Variants in PARD6G observed in about 807,000 individuals in gnomAD.
PARD6G encodes the protein partitioning defective 6 homolog gamma.
PARD6G carries 7 observed loss-of-function variants against 10.7 expected under a neutral mutation model. The ratio of observed to expected loss-of-function variants is 0.66; its 90% CI spans 0.37 to 1.23. The LOEUF (loss-of-function observed/expected upper bound fraction) is 1.23. PARD6G is among the 50% of genes most tolerant of loss of function. The pLI is 0.02. For missense variants in PARD6G, 548 were observed against 571.8 expected, an observed-to-expected ratio of 0.96 and a Z score of 0.42; for synonymous variants, 287 against 269.4, an observed-to-expected ratio of 1.07 and a Z score of -0.64.
rs1344138692 is a variant in PARD6G at position 80,158,635 on chromosome 18, G to A, written c.*1136C>T. On this transcript the variant is annotated 3_prime_UTR_variant, in exon 3 of 3. Transcript: ENST00000353265. Reference sequence around the variant, plus strand: ...CTGAGGGGGGACCGTATCACCTGAGGTCAGGAGTTCAAGACCAGCCTGACC... The same window carrying A: ...CTGAGGGGGGACCGTATCACCTGAGATCAGGAGTTCAAGACCAGCCTGACC... 1 of 152,252 alleles carries A rather than the reference G, an allele frequency of 6.6e-6. No individual in the cohort carries two copies. The highest frequency in any genetic ancestry group is 2.4e-5 in the African/African-American group (1 of 41,456). 9.4% of individuals were successfully genotyped at this position (152,252 alleles called of 1,614,324 possible).
At chr18:80,194,594 C>T (rs536080498) in intron 2 of PARD6G, among the ~76,000 whole-genome samples, 4 of 152,166 alleles carry the variant, frequency 2.6e-5, no homozygotes, top group Non-Finnish European at 4.4e-5. Context: ...CATTCACCCC[C>T]CCGAGATCTT....
intron 1 of PARD6G, among the ~76,000 whole-genome samples, chr18:80,207,626 A>G (rs1439650711): frequency 6.6e-6 from 1 of 152,184 alleles, no homozygotes; most frequent in African/African-American, 2.4e-5. Flanking sequence ...CATAAAATTT[A>G]CCATATTAGC....
Position 80,159,953 on chromosome 18 carries a change from C to T in PARD6G, c.949G>A (p.Gly317Ser), listed in dbSNP as rs1485588972. 2 of 1,496,794 alleles carry T rather than the reference C, an allele frequency of 1.3e-6. No homozygotes were observed. The highest frequency in any genetic ancestry group is 1.4e-5 in the African/African-American group (1 of 69,844). 92.7% of individuals were successfully genotyped at this position (1,496,794 alleles called of 1,614,324 possible). ...LEPARPPQTP[G>S]APAGSLSRVN... ...CGGGAGAGGCTGCCTGCGGGCGCGCCCGGGGTCTGGGGGGGACGTGCAGGC... is the reference window on the plus strand; with the variant it reads ...CGGGAGAGGCTGCCTGCGGGCGCGCTCGGGGTCTGGGGGGGACGTGCAGGC... The change falls in exon 3 of 3, where the codon GGC becomes AGC. Residue 317 changes from glycine (G) to serine (S), a missense_variant. This residue lies in a region of PARD6G where 313 missense variants were observed against 279.9 expected (regional missense o/e 1.12). Coordinates refer to ENST00000353265, the MANE Select transcript of PARD6G (RefSeq NM_032510.4).
chr18:80,233,261 G>A (rs1057105570), intron 1 of PARD6G, among the ~76,000 whole-genome samples: 4 of 152,202 alleles, frequency 2.6e-5, no homozygotes, highest in African/African-American at 4.8e-5. Context: ...ACCTGAGGAG[G>A]TACAGGATTT....
intron 1 of PARD6G, among the ~76,000 whole-genome samples, chr18:80,241,951 T>C (rs1177367860): frequency 1.3e-5 from 2 of 152,224 alleles, no homozygotes; most frequent in African/African-American, 2.4e-5. Flanking sequence ...TTCTGAGACC[T>C]TGAATGGCTG....
rs1466605483 is a variant in PARD6G at position 80,160,144 on chromosome 18, C to T, written c.758G>A (p.Arg253His). The change falls in exon 3 of 3, where the codon CGC becomes CAC. Residue 253 changes from arginine to histidine, a missense_variant. By Grantham distance (29) the Arg-to-His change is conservative. Around this residue, in one of 2 missense-constraint regions of PARD6G, gnomAD observed 313 missense variants for 279.9 expected, o/e 1.12. Transcript: ENST00000353265. Reference protein sequence around the residue: ...LIVTVKPANQRNNVVRGGRAL... With the variant: ...LIVTVKPANQHNNVVRGGRAL... The stretch of plus-strand genomic sequence containing the variant: ...GCGGCCGCCGCGCACCACGTTGTTG[C>T]GCTGGTTGGCGGGCTTGACGGTGAC... 2.5e-6 allele frequency: 4 copies of T among 1,613,222 alleles called. No homozygotes were observed. Among genetic ancestry groups the T allele is most frequent in the Non-Finnish European group, 2.5e-6 (3 of 1,179,746 alleles).
intron 1 of PARD6G, among the ~76,000 whole-genome samples, chr18:80,227,101 T>G (rs1222049803): frequency 6.6e-6 from 1 of 152,016 alleles, no homozygotes; most frequent in Non-Finnish European, 1.5e-5. Context: ...AACTATAAGC[T>G]CACAACCACC....
In PARD6G at chr18:80,207,355, C is replaced by T. The variant is rs1014721342; in HGVS notation, c.73-4423G>A. 8.9e-5 allele frequency among the ~76,000 whole-genome samples: 13 copies of T among 146,262 alleles called. 1 individual carries two copies. The highest frequency in any genetic ancestry group is 4.8e-4 in the Admixed American group (7 of 14,730). The stretch of plus-strand genomic sequence containing the variant: ...CTTAACAGTAAATGAAAGATTCTTC[C>T]GATGTTTATTTGGATGGCTAGTGAT... On this transcript the variant is annotated intron_variant, in intron 1 of 2. Transcript: ENST00000353265.
At position 80,181,390 on chromosome 18, in the gene PARD6G, G is replaced by T. The variant is rs550162804; in HGVS notation, c.296-20784C>A. 1.3e-5 allele frequency among the ~76,000 whole-genome samples: 2 copies of T among 152,268 alleles called. No individual in the cohort carries two copies. Among genetic ancestry groups the T allele is most frequent in the South Asian group, 2.1e-4 (1 of 4,820 alleles). On this transcript the variant is annotated intron_variant, in intron 2 of 2. Transcript: ENST00000353265. The surrounding 1 kb of genome is among the most constrained non-coding windows in gnomAD (Gnocchi z 7.9). ...AGGCATCACGCTCTGGGCACCGGGG[G>T]ACCCTGCGTGCTTGGGTGCATTGCA...
intron 1 of PARD6G, among the ~76,000 whole-genome samples, chr18:80,241,262 C>T (rs116099780): frequency 1.3e-3 from 193 of 152,230 alleles, no homozygotes; most frequent in African/African-American, 4.5e-3. Context: ...CCAGCAGCCA[C>T]GGACAACTGG....
chr18:80,241,256 C>T (rs1015714313), intron 1 of PARD6G, among the ~76,000 whole-genome samples: 2 of 152,174 alleles, frequency 1.3e-5, no homozygotes, highest in Admixed American at 6.5e-5. Context: ...CCTCTTCCAG[C>T]AGCCACGGAC....
At chr18:80,215,851 G>C (rs973245713) in intron 1 of PARD6G, among the ~76,000 whole-genome samples, 1 of 152,008 alleles carries the variant, frequency 6.6e-6, no homozygotes, top group African/African-American at 2.4e-5. Context: ...AACACAAATA[G>C]AAACAACAAT....
intron 2 of PARD6G, among the ~76,000 whole-genome samples, chr18:80,194,255 C>T (rs907793174): frequency 4.6e-5 from 7 of 152,152 alleles, no homozygotes; most frequent in African/African-American, 1.2e-4. Context: ...CACAAGCAAG[C>T]GAAATGTGAA....
At chr18:80,187,648 C>G (rs531370440) in intron 2 of PARD6G, 1 of 152,480 alleles carries the variant, frequency 6.6e-6, no homozygotes, top group African/African-American at 2.4e-5. Context: ...ACCCACAGCA[C>G]CTACTATGGG....
intron 2 of PARD6G, chr18:80,170,258 C>T (rs1478505628): frequency 6.6e-6 from 1 of 152,266 alleles, no homozygotes; most frequent in Non-Finnish European, 1.5e-5. Flanking sequence ...AGTCTCAGAA[C>T]TCCTTGGCAG....
chr18:80,168,585 G>GTA (rs1872400543), intron 2 of PARD6G, among the ~76,000 whole-genome samples: 1 of 150,590 alleles, frequency 6.6e-6, no homozygotes, highest in Non-Finnish European at 1.5e-5. Flanking sequence ...GTGTGTGTGT[G>GTA]TGTGTGTGTG....
intron 1 of PARD6G, among the ~76,000 whole-genome samples, chr18:80,230,941 G>GC (rs1254974740): frequency 3.3e-5 from 5 of 152,174 alleles, no homozygotes; most frequent in Non-Finnish European, 5.9e-5. Context: ...TCAATAACCT[G>GC]CCCATAGTCA....
rs1274176452 is a variant in PARD6G at position 80,161,279 on chromosome 18, C to A, written c.296-673G>T. ...CAGTGCTATTTGTAGGCACATGGAG[C>A]CTCAAGGCTCACCAATATGCCCAGC... On this transcript the variant is annotated intron_variant, in intron 2 of 2. Transcript: ENST00000353265. This position sits in a 1 kb window ranked among gnomAD's most constrained non-coding sequence, Gnocchi z 4.6. Among the ~76,000 whole-genome samples, 3 of 152,072 alleles carry A rather than the reference C, an allele frequency of 2.0e-5. No homozygotes were observed. The highest frequency in any genetic ancestry group is 7.2e-5 in the African/African-American group (3 of 41,402).
At chr18:80,185,761 C>A (rs1261778071) in intron 2 of PARD6G, among the ~76,000 whole-genome samples, 1 of 134,634 alleles carries the variant, frequency 7.4e-6, no homozygotes, top group African/African-American at 2.5e-5. Flanking sequence ...CACACCCTCA[C>A]ACATGCATAT....
Sources: allele counts gnomAD v4.1 joint callset (sites outside exome capture counted in the v4.1 genomes callset), GRCh38; gene constraint gnomAD v4.1.1; regional missense constraint gnomAD v4.1.1; non-coding constraint Gnocchi (gnomAD v3.1); transcripts MANE v1.5; gene names NCBI Gene and HGNC (gene_info 2026-07-23, HGNC 2026-07-21).